Variants in GUCY1A2 observed in about 807,000 individuals in gnomAD.
GUCY1A2 encodes guanylate cyclase 1 soluble subunit alpha 2, also known as guanylate cyclase soluble subunit alpha-2.
In GUCY1A2, 27 loss-of-function variants were observed where a neutral mutation model predicts 63.5. The observed-to-expected ratio is 0.43, with a 90% confidence interval of 0.31 to 0.59. GUCY1A2 has a LOEUF of 0.59. Ranked by LOEUF, GUCY1A2 falls within the 20% of genes least tolerant of loss-of-function variation. The pLI, the probability that GUCY1A2 is intolerant of heterozygous loss-of-function variation, is 0.11. For synonymous variants in GUCY1A2, 364 were observed against 343.5 expected (o/e 1.06, Z -0.66); for missense variants, 768 against 913.3 (o/e 0.84, Z 2.05).
chr11:106,776,805 G>A (rs1387179237), intron 5 of GUCY1A2, among the ~76,000 whole-genome samples: 1 of 152,160 alleles, frequency 6.6e-6, no homozygotes, highest in Admixed American at 6.5e-5. Context: ...CACTAGAGAT[G>A]ATCATTGAAA....
chr11:106,692,796 G>A (rs572176888), intron 7 of GUCY1A2, among the ~76,000 whole-genome samples: 17 of 152,280 alleles, frequency 1.1e-4, no homozygotes, highest in Admixed American at 1.0e-3. Flanking sequence ...GGAAACAAGA[G>A]AATTTTGAGT....
intron 1 of GUCY1A2, among the ~76,000 whole-genome samples, chr11:107,007,924 C>T (rs1338222743): frequency 6.9e-6 from 1 of 145,028 alleles, no homozygotes; most frequent in East Asian, 3.0e-4. Flanking sequence ...AATATAGACA[C>T]CCTTGTAAGT....
At chr11:106,711,940 A>G (rs1158204690) in intron 6 of GUCY1A2, among the ~76,000 whole-genome samples, 1 of 152,028 alleles carries the variant, frequency 6.6e-6, no homozygotes, top group East Asian at 1.9e-4. Context: ...TATATAACAT[A>G]TCTTTTACTT....
At position 106,709,897 on chromosome 11, in the gene GUCY1A2, CGT is replaced by C. The variant is rs1485694585; in HGVS notation, c.1837-1233_1837-1232del. ...AATATATAGTTATATATTATATACA[CGT>C]ATAGAATAGTTATATATAACATATA... On this transcript the variant is annotated intron_variant, in intron 6 of 7. Transcript: ENST00000526355. Among the ~76,000 whole-genome samples, 4 of 1,622 alleles carry C rather than the reference CGT, an allele frequency of 2.5e-3. No individual in the cohort carries two copies. The East Asian group carries it at 0.12, about 48-fold the overall frequency. The allele number at this position is 1,622 out of a possible 152,430, so 1.1% of individuals were successfully genotyped here.
intron 7 of GUCY1A2, among the ~76,000 whole-genome samples, chr11:106,699,727 C>A (rs1426253393): frequency 6.6e-6 from 1 of 152,058 alleles, no homozygotes; most frequent in Non-Finnish European, 1.5e-5. Flanking sequence ...ATCATATAAG[C>A]CAAACCTATG....
chr11:106,810,248 A>T lies in GUCY1A2; in HGVS notation c.1437T>A (p.Thr479=), dbSNP rs969551246. The change falls in exon 5 of 8, where the codon ACT becomes ACA. Residue 479 remains threonine, a synonymous_variant. Transcript: ENST00000526355. The part of the protein sequence containing the change: ...MDKLKATLER[T]HQALEEEKKK... ...TTTTCTCTTCTTCCAGGGCCTGGTG[A>T]GTTCTTTCTAAAGTTGCCTTTAATT... 3 of 1,613,896 alleles carry T rather than the reference A, an allele frequency of 1.9e-6. No individual in the cohort carries two copies. The highest frequency in any genetic ancestry group is 2.5e-6 in the Non-Finnish European group (3 of 1,179,902).
chr11:106,920,660 T>C (rs1860430599), intron 4 of GUCY1A2, among the ~76,000 whole-genome samples: 1 of 152,138 alleles, frequency 6.6e-6, no homozygotes, highest in Admixed American at 6.6e-5. Context: ...TAATTACAAA[T>C]GACACTTAAA....
At chr11:106,815,543 G>T (rs1858819299) in intron 4 of GUCY1A2, among the ~76,000 whole-genome samples, 1 of 151,538 alleles carries the variant, frequency 6.6e-6, no homozygotes, top group Non-Finnish European at 1.5e-5. Flanking sequence ...CTAAAGAAAG[G>T]TCTTTAAACA....
intron 4 of GUCY1A2, among the ~76,000 whole-genome samples, chr11:106,900,030 G>A (rs1426399731): frequency 6.8e-6 from 1 of 148,090 alleles, no homozygotes; most frequent in Non-Finnish European, 1.5e-5. Context: ...AGCTTGCAGT[G>A]AGCTAAGATC....
intron 5 of GUCY1A2, among the ~76,000 whole-genome samples, chr11:106,806,914 T>C (rs1033388786): frequency 3.3e-5 from 5 of 152,168 alleles, no homozygotes; most frequent in Admixed American, 3.3e-4. Flanking sequence ...CTTCACTCTA[T>C]CATCTGCCTG....
chr11:106,841,349 C>G (rs1254774245), intron 4 of GUCY1A2, among the ~76,000 whole-genome samples: 1 of 151,864 alleles, frequency 6.6e-6, no homozygotes, highest in Non-Finnish European at 1.5e-5. Context: ...CCGTATTTCT[C>G]TTTTCAAAAC....
chr11:107,017,843 A>G lies in GUCY1A2; in HGVS notation c.213T>C (p.Ala71=), dbSNP rs764779253. The change falls in exon 1 of 8, where the codon GCT becomes GCC. Residue 71 remains alanine (A), a synonymous_variant. Coordinates refer to ENST00000526355, the MANE Select transcript of GUCY1A2 (RefSeq NM_000855.3). ...GCACCCTCCTGGCCCCGGCAGTGGC[A>G]GCGGCGGCGGCGGCAGAAGCAGCCG... ...PTPAASAAAA[A]ATAGARRVQR... 10 of 1,266,876 alleles carry G rather than the reference A, an allele frequency of 7.9e-6. No homozygotes were observed. The Admixed American group carries it at 1.6e-4, about 20-fold the overall frequency. 78.5% of individuals were successfully genotyped at this position (1,266,876 alleles called of 1,614,324 possible). A position where few individuals can be genotyped will look rare whatever the true frequency, so the allele number is the denominator to read the frequency against.
At chr11:106,918,091 C>A (rs1860392282) in intron 4 of GUCY1A2, among the ~76,000 whole-genome samples, 1 of 144,350 alleles carries the variant, frequency 6.9e-6, no homozygotes, top group Non-Finnish European at 1.6e-5. Context: ...CTGGGTAGAA[C>A]AGAGAAGGAG....
intron 4 of GUCY1A2, chr11:106,827,885 CT>C: frequency 1.3e-6 from 2 of 1,564,662 alleles, no homozygotes; most frequent in Non-Finnish European, 1.8e-6. Flanking sequence ...GGCGCGCTGC[CT>C]TCATGCTGCC....
intron 4 of GUCY1A2, among the ~76,000 whole-genome samples, chr11:106,898,458 T>C (rs1331869873): frequency 6.6e-6 from 1 of 152,194 alleles, no homozygotes; most frequent in African/African-American, 2.4e-5. Context: ...TGTCCTTCTA[T>C]AGGTGAGTAA....
intron 4 of GUCY1A2, among the ~76,000 whole-genome samples, chr11:106,835,431 G>A (rs988460219): frequency 6.6e-6 from 1 of 151,726 alleles, no homozygotes; most frequent in Non-Finnish European, 1.5e-5. Context: ...ATATGATATA[G>A]AATGTGAAAA....
chr11:106,691,020 T>C (rs1197119884), intron 7 of GUCY1A2, among the ~76,000 whole-genome samples: 1 of 152,176 alleles, frequency 6.6e-6, no homozygotes, highest in Non-Finnish European at 1.5e-5. Context: ...AGAAATAAAA[T>C]GTAAAAAGCT....
intron 6 of GUCY1A2, among the ~76,000 whole-genome samples, chr11:106,731,902 T>C (rs1565272288): frequency 6.6e-6 from 1 of 152,040 alleles, no homozygotes; most frequent in Non-Finnish European, 1.5e-5. Flanking sequence ...TCAGAGATGG[T>C]ACAAACAAAT....
At chr11:106,858,394 A>C (rs1859465502) in intron 4 of GUCY1A2, among the ~76,000 whole-genome samples, 1 of 152,150 alleles carries the variant, frequency 6.6e-6, no homozygotes, top group African/African-American at 2.4e-5. Context: ...AGGGCACTAT[A>C]ATGTCAATAC....
Sources: allele counts gnomAD v4.1 joint callset (sites outside exome capture counted in the v4.1 genomes callset), GRCh38; gene constraint gnomAD v4.1.1; transcripts MANE v1.5; gene names NCBI Gene and HGNC (gene_info 2026-07-23, HGNC 2026-07-21).